LPA: variants seen among roughly 807,000 people sequenced by gnomAD.
LPA encodes the protein lipoprotein(a).
A neutral mutation model predicts 197.9 loss-of-function variants in LPA; 199 were observed. That is an observed-to-expected ratio of 1.01 (90% CI 0.90 to 1.13). The LOEUF is 1.13. LPA is among the 50% of genes most tolerant of loss of function. LPA has a pLI of 0.00. For missense variants in LPA, 1,853 were observed against 1,785.8 expected, an observed-to-expected ratio of 1.04 and a Z score of -0.68; for synonymous variants, 715 against 639.5, an observed-to-expected ratio of 1.12 and a Z score of -1.78.
At chr6:160,536,493 A>G (rs1777897223) in intron 37 of LPA, among the ~76,000 whole-genome samples, 1 of 152,172 alleles carries the variant, frequency 6.6e-6, no homozygotes, top group African/African-American at 2.4e-5. Context: ...CAGCTGAGGA[A>G]ACAATCAGCG....
chr6:160,575,682 T>C (rs1778641783), intron 28 of LPA, among the ~76,000 whole-genome samples: 6 of 152,190 alleles, frequency 3.9e-5, no homozygotes, highest in Admixed American at 2.0e-4. Context: ...TGAGGTCTCT[T>C]TTCTAGCTGG....
chr6:160,659,310 C>T (rs948453633), intron 1 of LPA, among the ~76,000 whole-genome samples: 4 of 152,142 alleles, frequency 2.6e-5, no homozygotes, highest in Non-Finnish European at 4.4e-5. Flanking sequence ...GAGTAAAGCA[C>T]TCAGGATCTT....
At chr6:160,564,376 A>G (rs1778413695) in intron 28 of LPA, among the ~76,000 whole-genome samples, 1 of 152,202 alleles carries the variant, frequency 6.6e-6, no homozygotes, top group South Asian at 2.1e-4. Flanking sequence ...TTCTTTAAGA[A>G]TGTTGAATAT....
At chr6:160,584,197 CT>C (rs1778853652) in intron 26 of LPA, among the ~76,000 whole-genome samples, 1 of 108,810 alleles carries the variant, frequency 9.2e-6, no homozygotes, top group African/African-American at 3.7e-5. Context: ...TCTTCTTCTT[CT>C]TCTTCTTCTT....
Position 160,646,297 on chromosome 6 carries a change from G to A in LPA, c.308C>T (p.Thr103Met). The A allele has an allele frequency of 8.7e-5, 4 of 46,106 alleles. No homozygotes were observed. The highest frequency in any genetic ancestry group is 1.5e-4 in the Non-Finnish European group (4 of 27,232). The allele number at this position is 46,106 out of a possible 1,614,324, so 2.9% of individuals were successfully genotyped here. A position where few individuals can be genotyped will look rare whatever the true frequency, so the allele number is the denominator to read the frequency against. The change falls in exon 3 of 39, where the codon ACG (threonine) becomes ATG (methionine). Residue 103 changes from threonine to methionine, a missense_variant. By Grantham distance (81) the Thr-to-Met change is moderately conservative. Coordinates refer to ENST00000316300, the MANE Select transcript of LPA (RefSeq NM_005577.4). ...AGTCCCTTCTGCGTCTGAGCATTGC[G>A]TCAGGTTGCAGTACTCCCACCTGAC... ...PGVRWEYCNLTQCSDAEGTAV... is the reference protein window; with the variant it reads ...PGVRWEYCNLMQCSDAEGTAV...
chr6:160,609,077 A>C (rs1779423048), intron 16 of LPA, among the ~76,000 whole-genome samples: 1 of 152,038 alleles, frequency 6.6e-6, no homozygotes, highest in South Asian at 2.1e-4. Flanking sequence ...GTTTTATTAC[A>C]TATTCATCTT....
In LPA at chr6:160,545,449, G is replaced by A; in HGVS notation, c.5389C>T (p.Pro1797Ser). The change falls in exon 33 of 39, where the codon CCT becomes TCT. Residue 1797 changes from proline (P) to serine (S), a missense_variant. Coordinates refer to ENST00000316300, the MANE Select transcript of LPA (RefSeq NM_005577.4). ...ACAGAAGGCAACTTACCACAGAGAG[G>A]GATATCACAGTAGTCAAAAAGTTTT... is the stretch of plus-strand genomic sequence containing the variant. Reference protein sequence around the residue: ...PRKLFDYCDIPLCASSSFDCG... With the variant: ...PRKLFDYCDISLCASSSFDCG... The A allele has an allele frequency of 6.2e-7, 1 of 1,600,346 alleles. No homozygotes were observed. Among genetic ancestry groups the A allele is most frequent in the South Asian group, 1.1e-5 (1 of 90,760 alleles).
chr6:160,576,690 G>GTATA (rs71033585), intron 28 of LPA, among the ~76,000 whole-genome samples: 2,171 of 76,442 alleles, frequency 0.028, 32 homozygotes, highest in East Asian at 0.079. Context: ...GTGTGTGTGT[G>GTATA]TATATATATA....
chr6:160,655,194 G>A (rs1780111608), intron 1 of LPA, among the ~76,000 whole-genome samples: 1 of 152,154 alleles, frequency 6.6e-6, no homozygotes, highest in South Asian at 2.1e-4. Context: ...ACAGTCAAAC[G>A]TTCAGTTACC....
intron 18 of LPA, 149 bp from the exon 19 acceptor site, chr6:160,601,247 A>T: frequency 1.4e-6 from 1 of 712,680 alleles, no homozygotes; most frequent in South Asian, 1.6e-5. Flanking sequence ...ATGGCTCTCA[A>T]TCTCTAATCC....
At chr6:160,566,236 C>A (rs1778452043) in intron 28 of LPA, among the ~76,000 whole-genome samples, 1 of 151,934 alleles carries the variant, frequency 6.6e-6, no homozygotes, top group South Asian at 2.1e-4. Context: ...TTGTCAGATT[C>A]ACCAGAAAGG....
In LPA at chr6:160,594,132, G is replaced by A. The variant is rs557288897; in HGVS notation, c.3470-15C>T. On this transcript the variant is annotated splice_polypyrimidine_tract_variant and intron_variant, in intron 21 of 38. Transcript: ENST00000316300. ...CTCCGTTGGTGCTGAAATTCAAAGA[G>A]GAGAAATCAAGCTGAGTAATTTCTA... The A allele has an allele frequency of 1.2e-6, 2 of 1,613,670 alleles. No homozygotes were observed. The highest frequency in any genetic ancestry group is 2.2e-5 in the East Asian group (1 of 44,840).
At chr6:160,562,439 G>A (rs1778378580) in intron 28 of LPA, among the ~76,000 whole-genome samples, 1 of 152,204 alleles carries the variant, frequency 6.6e-6, no homozygotes, top group Non-Finnish European at 1.5e-5. Context: ...TGGTGGATAA[G>A]CTTTTTGATG....
chr6:160,576,670 TTGTGTGTG>T (rs369546569), intron 28 of LPA, among the ~76,000 whole-genome samples: 17 of 104,224 alleles, frequency 1.6e-4, no homozygotes, highest in African/African-American at 4.8e-4. Flanking sequence ...ATTCAGATGT[TTGTGTGTG>T]TGTGTGTGTG....
At position 160,664,244 on chromosome 6, in the gene LPA, T is replaced by A. The variant is rs758433445; in HGVS notation, c.-30A>T. ...GGACTGGCCAGCAGTGCCCAGAAAGTGTGTCCCAATCCCAGGACATTGTTG... is the reference window on the plus strand; with the variant it reads ...GGACTGGCCAGCAGTGCCCAGAAAGAGTGTCCCAATCCCAGGACATTGTTG... On this transcript the variant is annotated 5_prime_UTR_variant, in exon 1 of 39. Transcript: ENST00000316300. The A allele has an allele frequency of 2.5e-6, 4 of 1,603,232 alleles. No individual in the cohort carries two copies. The highest frequency in any genetic ancestry group is 3.4e-6 in the Non-Finnish European group (4 of 1,176,626).
Position 160,606,498 on chromosome 6 carries a change from G to T in LPA, c.2764C>A (p.Leu922Ile). The change falls in exon 17 of 39, where the codon CTA (leucine) becomes ATA (isoleucine). Residue 922 changes from leucine to isoleucine, a missense_variant. This residue lies in a region of LPA where 1,737 missense variants were observed against 1,504.4 expected (regional missense o/e 1.15). Transcript: ENST00000316300. ...APPTITPIPS[L>I]EAPSEQAPTE... ...TTACCTTGTTCAGAAGGAGCCTCTA[G>T]GCTTGGAATCGGGGTAATAGTTGGA... The T allele has an allele frequency of 6.2e-7, 1 of 1,613,536 alleles. No homozygotes were observed. Among genetic ancestry groups the T allele is most frequent in the African/African-American group, 1.3e-5 (1 of 75,012 alleles).
chr6:160,580,562 C>T lies in LPA; in HGVS notation c.4290-1858G>A, dbSNP rs182482291. Among the ~76,000 whole-genome samples, 59 of 152,280 alleles carry T rather than the reference C, an allele frequency of 3.9e-4. No individual in the cohort carries two copies. In the East Asian group the frequency reaches 6.4e-3, roughly 16 times the overall value. On this transcript the variant is annotated intron_variant, in intron 26 of 38. Coordinates refer to ENST00000316300, the MANE Select transcript of LPA (RefSeq NM_005577.4). ...AGAGTGGCACATTCTAGCTCCAAAT[C>T]GGTGACACCACTTATTATTGTGTCT...
intron 16 of LPA, among the ~76,000 whole-genome samples, chr6:160,609,635 T>C (rs1475941765): frequency 6.6e-6 from 1 of 152,142 alleles, no homozygotes; most frequent in African/African-American, 2.4e-5. Context: ...GGTATTTGTA[T>C]CTACTCCAAA....
At chr6:160,661,803 G>A (rs961462455) in intron 1 of LPA, among the ~76,000 whole-genome samples, 2 of 152,212 alleles carry the variant, frequency 1.3e-5, no homozygotes, top group African/African-American at 2.4e-5. Context: ...TTTCCAGGAA[G>A]AGTTGTGCTT....
Sources: gnomAD v4.1 joint callset for allele counts (sites outside exome capture counted in the v4.1 genomes callset) on GRCh38, gnomAD v4.1.1 for gene constraint, gnomAD v4.1.1 regional missense constraint, MANE v1.5 for transcripts, NCBI Gene and HGNC (gene_info 2026-07-23, HGNC 2026-07-21) for gene names.